The following BRAF variants were observed in gnomAD, a reference collection of about 807,000 sequenced individuals.
BRAF encodes the protein B-Raf proto-oncogene, serine/threonine kinase.
In BRAF, 16 loss-of-function variants were observed where a neutral mutation model predicts 104.6. The ratio of observed to expected loss-of-function variants is 0.15; its 90% CI spans 0.10 to 0.23. The LOEUF (loss-of-function observed/expected upper bound fraction) is 0.23. BRAF is among the 10% of genes least tolerant of loss of function. The probability of loss-of-function intolerance (pLI) is 1.00; values close to 1 mark genes in which losing one functional copy is unlikely to be tolerated. For synonymous variants in BRAF, 310 were observed against 341.6 expected (o/e 0.91, Z 1.02); for missense variants, 541 against 937.3 (o/e 0.58, Z 5.52).
intron 1 of BRAF, among the ~76,000 whole-genome samples, chr7:140,881,886 T>C (rs1812962289): frequency 1.3e-5 from 2 of 152,174 alleles, no homozygotes; most frequent in African/African-American, 2.4e-5. Flanking sequence ...CACTGCCTTA[T>C]TATGGGTGTG....
chr7:140,904,623 A>T (rs1816086596), intron 1 of BRAF, among the ~76,000 whole-genome samples: 1 of 151,738 alleles, frequency 6.6e-6, no homozygotes, highest in Non-Finnish European at 1.5e-5. Context: ...ATGGATTATT[A>T]TTTTTTTTAG....
At position 140,872,361 on chromosome 7, in the gene BRAF, A is replaced by T. The variant is rs530767004; in HGVS notation, c.139-22149T>A. ...TACTTTAACAAAAAGTTAAAAAAAA[A>T]ATATGAAGTAAAATGAAAGCTTAAA... On this transcript the variant is annotated intron_variant, in intron 1 of 19. Transcript: ENST00000644969. 5.8e-4 allele frequency among the ~76,000 whole-genome samples: 88 copies of T among 152,262 alleles called. 1 individual carries two copies. In the South Asian group the frequency reaches 0.015, roughly 26 times the overall value.
intron 14 of BRAF, among the ~76,000 whole-genome samples, chr7:140,757,869 G>C (rs954640168): frequency 6.6e-6 from 1 of 152,176 alleles, no homozygotes; most frequent in Non-Finnish European, 1.5e-5. Context: ...CTTCAGGTAT[G>C]ATCATTCATC....
intron 17 of BRAF, among the ~76,000 whole-genome samples, chr7:140,746,844 AG>A (rs1797391552): frequency 1.3e-5 from 2 of 150,968 alleles, no homozygotes. Context: ...AAAAAAAAAA[AG>A]AAAAAAGAAA....
intron 1 of BRAF, among the ~76,000 whole-genome samples, chr7:140,907,325 G>A (rs112539978): frequency 0.085 from 12,779 of 150,582 alleles, 1,699 homozygotes; most frequent in African/African-American, 0.29. Context: ...GCAGTGGTGC[G>A]ATCTCAGCTC....
chr7:140,908,849 G>A lies in BRAF; in HGVS notation c.138+15717C>T, dbSNP rs551013397. ...ACCCCAATGGTCCACCAAAACCAAA[G>A]CCCAACTTGTACAGATTGGCAACTG... On this transcript the variant is annotated intron_variant, in intron 1 of 19. Coordinates refer to ENST00000644969, the MANE Select transcript of BRAF (RefSeq NM_001374258.1). Among the ~76,000 whole-genome samples, 30 of 135,980 alleles carry A rather than the reference G, an allele frequency of 2.2e-4. 2 individuals carry two copies. The highest frequency in any genetic ancestry group is 4.2e-3 in the Middle Eastern group (1 of 238). 89.2% of individuals were successfully genotyped at this position (135,980 alleles called of 152,430 possible).
At chr7:140,760,621 T>A (rs888257368) in intron 14 of BRAF, among the ~76,000 whole-genome samples, 20 of 151,530 alleles carry the variant, frequency 1.3e-4, no homozygotes, top group African/African-American at 4.6e-4. Flanking sequence ...ACCCCAAAAG[T>A]TTTTTTTAAT....
chr7:140,854,068 G>C (rs186895082), intron 1 of BRAF, among the ~76,000 whole-genome samples: 84 of 152,184 alleles, frequency 5.5e-4, no homozygotes, highest in Middle Eastern at 3.4e-3. Flanking sequence ...AGCCTCCCTG[G>C]CATCAATCCT....
chr7:140,911,338 ATAC>A (rs1816948991), intron 1 of BRAF, among the ~76,000 whole-genome samples: 1 of 152,194 alleles, frequency 6.6e-6, no homozygotes, highest in Non-Finnish European at 1.5e-5. Context: ...AGCCACATAG[ATAC>A]GGCTACTGTC....
chr7:140,796,307 C>T (rs1031306637), intron 7 of BRAF, among the ~76,000 whole-genome samples: 2 of 149,528 alleles, frequency 1.3e-5, no homozygotes, highest in African/African-American at 2.5e-5. Flanking sequence ...GCCAAGATCA[C>T]GTCTCTGCAC....
intron 1 of BRAF, among the ~76,000 whole-genome samples, chr7:140,919,443 G>A (rs1043372546): frequency 2.6e-5 from 4 of 151,856 alleles, no homozygotes; most frequent in Admixed American, 2.6e-4. Flanking sequence ...TCTTGATACA[G>A]GAAGGAATTA....
intron 2 of BRAF, among the ~76,000 whole-genome samples, chr7:140,840,530 C>T (rs779403425): frequency 6.6e-6 from 1 of 151,936 alleles, no homozygotes; most frequent in Non-Finnish European, 1.5e-5. Context: ...GTGGCTCATA[C>T]CTGTAATCCC....
At chr7:140,772,031 G>A (rs890702165) in intron 14 of BRAF, among the ~76,000 whole-genome samples, 1 of 152,072 alleles carries the variant, frequency 6.6e-6, no homozygotes, top group African/African-American at 2.4e-5. Flanking sequence ...GAAATAGGGA[G>A]GAAAAATTAG....
Position 140,782,112 on chromosome 7 carries a change from AAG to A in BRAF, c.1435-421_1435-420del, listed in dbSNP as rs1800937695. Among the ~76,000 whole-genome samples the A allele has an allele frequency of 2.0e-5, 3 of 152,038 alleles. No individual in the cohort carries two copies. The South Asian group carries it at 6.2e-4, about 32-fold the overall frequency. On this transcript the variant is annotated intron_variant, in intron 11 of 19. Transcript: ENST00000644969. ...GTGTGATGTTCCCTGCCCTGTGTCCAAGTGTTCTCACTGTTCAATTCCCACCT... is the reference window on the plus strand; with the variant it reads ...GTGTGATGTTCCCTGCCCTGTGTCCATGTTCTCACTGTTCAATTCCCACCT...
At position 140,791,753 on chromosome 7, in the gene BRAF, CTG is replaced by C. The variant is rs536137471; in HGVS notation, c.1140+2553_1140+2554del. ...TTGTTTTCCTTTGGTATTTAACAAA[CTG>C]TGCTATTTACCAGAAACTCGGTCTA... On this transcript the variant is annotated intron_variant, in intron 8 of 19. Transcript: ENST00000644969. 5.3e-4 allele frequency among the ~76,000 whole-genome samples: 80 copies of C among 152,322 alleles called. No individual in the cohort carries two copies. Among genetic ancestry groups the C allele is most frequent in the Admixed American group, 1.2e-3 (19 of 15,302 alleles).
chr7:140,757,991 T>C (rs1345276466), intron 14 of BRAF: 1 of 152,218 alleles, frequency 6.6e-6, no homozygotes, highest in East Asian at 1.9e-4. Flanking sequence ...TGCTATGCCA[T>C]TTGGCTAATT....
chr7:140,887,383 T>C (rs1563017957), intron 1 of BRAF, among the ~76,000 whole-genome samples: 1 of 152,226 alleles, frequency 6.6e-6, no homozygotes, highest in Non-Finnish European at 1.5e-5. Context: ...CATTCTCTAA[T>C]CTTTGATATA....
At chr7:140,839,636 G>A (rs73494533) in intron 2 of BRAF, among the ~76,000 whole-genome samples, 3,855 of 152,206 alleles carry the variant, frequency 0.025, 172 homozygotes, top group African/African-American at 0.087. Flanking sequence ...AGGCTGAAGC[G>A]GGAGGATCGC....
chr7:140,732,157 C>A (rs1489591974), intron 19 of BRAF: 1 of 86,680 alleles, frequency 1.2e-5, no homozygotes, highest in Non-Finnish European at 2.2e-5. Context: ...GGCGACAGAG[C>A]GAGACTCTGT....
Sources: gnomAD v4.1 joint callset for allele counts (sites outside exome capture counted in the v4.1 genomes callset) on GRCh38, gnomAD v4.1.1 for gene constraint, MANE v1.5 for transcripts, NCBI Gene and HGNC (gene_info 2026-07-23, HGNC 2026-07-21) for gene names.